SQOR: variants seen among roughly 807,000 people sequenced by gnomAD.
SQOR encodes the protein sulfide:quinone oxidoreductase, mitochondrial.
A neutral mutation model predicts 48.6 loss-of-function variants in SQOR; 39 were observed. The ratio of observed to expected loss-of-function variants is 0.80; its 90% CI spans 0.62 to 1.05. The LOEUF (loss-of-function observed/expected upper bound fraction) is 1.05. SQOR is among the 50% of genes least tolerant of loss of function. The pLI, the probability that SQOR is intolerant of heterozygous loss-of-function variation, is 0.00. For synonymous variants in SQOR, 220 were observed against 206.2 expected, an observed-to-expected ratio of 1.07 and a Z score of -0.57; for missense variants, 561 against 559.9, an observed-to-expected ratio of 1.00 and a Z score of -0.02.
intron 3 of SQOR, among the ~76,000 whole-genome samples, chr15:45,669,095 A>T (rs764656235): frequency 8.6e-5 from 13 of 151,008 alleles, no homozygotes; most frequent in Non-Finnish European, 1.9e-4. Context: ...CTCACATATT[A>T]CCCAATAGAT....
intron 5 of SQOR, among the ~76,000 whole-genome samples, chr15:45,674,357 T>TC (rs1889998254): frequency 6.6e-6 from 1 of 151,950 alleles, no homozygotes; most frequent in Non-Finnish European, 1.5e-5. Flanking sequence ...GGAGAATTGC[T>TC]CGAACCTGGG....
chr15:45,662,190 A>AAACTGGAT, intron 3 of SQOR, 65 bp downstream of exon 3: 1 of 1,561,154 alleles, frequency 6.4e-7, no homozygotes, highest in African/African-American at 1.4e-5. Context: ...CAGCCATCTT[A>AAACTGGAT]AACTGGATAG....
At chr15:45,661,365 C>T (rs1269162452) in intron 2 of SQOR, among the ~76,000 whole-genome samples, 1 of 148,124 alleles carries the variant, frequency 6.8e-6, no homozygotes, top group East Asian at 2.0e-4. Flanking sequence ...TTTGGGTATG[C>T]ATTGCATTGT....
At chr15:45,669,886 T>C in intron 3 of SQOR, 42 bp from the exon 4 acceptor site, 2 of 1,580,996 alleles carry the variant, frequency 1.3e-6, no homozygotes, top group Non-Finnish European at 1.7e-6. Flanking sequence ...GAGTTGATGC[T>C]TCTTGAGTCC....
intron 1 of SQOR, among the ~76,000 whole-genome samples, chr15:45,657,933 G>A (rs1046231795): frequency 5.3e-5 from 8 of 152,256 alleles, no homozygotes; most frequent in Non-Finnish European, 1.0e-4. Flanking sequence ...GAGATATCAT[G>A]AGCCGGAGCC....
intron 1 of SQOR, among the ~76,000 whole-genome samples, chr15:45,657,543 A>G (rs577345699): frequency 2.0e-5 from 3 of 152,188 alleles, no homozygotes; most frequent in African/African-American, 7.2e-5. Flanking sequence ...CTACAGCTCT[A>G]GGTTGCTTCT....
chr15:45,650,072 A>G (rs1464854618), intron 1 of SQOR, among the ~76,000 whole-genome samples: 2 of 147,938 alleles, frequency 1.4e-5, no homozygotes, highest in Admixed American at 6.7e-5. Flanking sequence ...TTAACTCATG[A>G]CCTCAAGTGA....
chr15:45,685,226 A>G (rs143293220), intron 7 of SQOR, among the ~76,000 whole-genome samples: 2 of 152,292 alleles, frequency 1.3e-5, no homozygotes, highest in Non-Finnish European at 2.9e-5. Flanking sequence ...CCAAATTACA[A>G]TAGTACTAGC....
chr15:45,655,270 G>A (rs1278015102), intron 1 of SQOR, among the ~76,000 whole-genome samples: 1 of 152,150 alleles, frequency 6.6e-6, no homozygotes, highest in Non-Finnish European at 1.5e-5. Flanking sequence ...CCTGCCCCAT[G>A]GGGCGCTTCC....
At chr15:45,633,202 C>T (rs1255696833), upstream of SQOR, among the ~76,000 whole-genome samples, 3 of 151,684 alleles carry the variant, frequency 2.0e-5, no homozygotes, top group Non-Finnish European at 4.4e-5. Flanking sequence ...TGTCCTGTGC[C>T]TTGCACCAAC....
intron 1 of SQOR, among the ~76,000 whole-genome samples, chr15:45,656,702 A>G (rs147725960): frequency 3.9e-5 from 6 of 152,148 alleles, no homozygotes; most frequent in African/African-American, 7.2e-5. Flanking sequence ...CAGTGTTAAA[A>G]TTTTGGCTTT....
At chr15:45,686,558 G>A (rs1270658303) in intron 7 of SQOR, among the ~76,000 whole-genome samples, 1 of 152,180 alleles carries the variant, frequency 6.6e-6, no homozygotes, top group Non-Finnish European at 1.5e-5. Context: ...GCAAACTATA[G>A]CTTATGGGGC....
intron 7 of SQOR, among the ~76,000 whole-genome samples, chr15:45,687,103 A>G (rs1316004763): frequency 6.6e-6 from 1 of 151,852 alleles, no homozygotes; most frequent in Non-Finnish European, 1.5e-5. Context: ...CTCGGCCACA[A>G]ACTGCTGTCT....
In SQOR at chr15:45,636,840, C is replaced by T. The variant is rs755249824; in HGVS notation, c.-18+1732C>T. ...ATAAAAGATGTAAATATTAAATATCCGTAAAAATAAAGATGTAAAATACTT... is the reference window on the plus strand; with the variant it reads ...ATAAAAGATGTAAATATTAAATATCTGTAAAAATAAAGATGTAAAATACTT... On this transcript the variant is annotated intron_variant, in intron 1 of 9. Transcript: ENST00000260324. Among the ~76,000 whole-genome samples the T allele has an allele frequency of 3.3e-5, 5 of 152,174 alleles. No individual in the cohort carries two copies. In the East Asian group the frequency reaches 5.8e-4, roughly 18 times the overall value.
intron 3 of SQOR, among the ~76,000 whole-genome samples, chr15:45,663,983 A>T (rs565535178): frequency 1.3e-5 from 2 of 152,346 alleles, no homozygotes; most frequent in East Asian, 3.9e-4. Flanking sequence ...CAGGGAGAAC[A>T]TACAATCAAC....
At chr15:45,636,165 A>G (rs1895001461) in intron 1 of SQOR, among the ~76,000 whole-genome samples, 1 of 152,174 alleles carries the variant, frequency 6.6e-6, no homozygotes, top group East Asian at 1.9e-4. Flanking sequence ...AACAAAAGGA[A>G]GAGTATTATA....
In SQOR at chr15:45,656,342, C is replaced by T. The variant is rs1889610782; in HGVS notation, c.-17-2565C>T. Among the ~76,000 whole-genome samples, 2 of 152,168 alleles carry T rather than the reference C, an allele frequency of 1.3e-5. 1 individual carries two copies. The highest frequency in any genetic ancestry group is 2.9e-5 in the Non-Finnish European group (2 of 68,040). ...TTGAGACAGGGTCTCCCTCTCTTCC[C>T]AGGCTGGAGTACAGTGGTGAAATCA... On this transcript the variant is annotated intron_variant, in intron 1 of 9. Coordinates refer to ENST00000260324, the MANE Select transcript of SQOR (RefSeq NM_021199.4).
intron 1 of SQOR, among the ~76,000 whole-genome samples, chr15:45,644,742 G>T (rs574542443): frequency 4.6e-5 from 7 of 152,288 alleles, no homozygotes; most frequent in African/African-American, 1.7e-4. Flanking sequence ...GCTAGGTTTG[G>T]GATTGGCTAG....
At chr15:45,675,736 C>CTAG (rs1359714163) in intron 5 of SQOR, among the ~76,000 whole-genome samples, 1 of 152,190 alleles carries the variant, frequency 6.6e-6, no homozygotes, top group East Asian at 1.9e-4. Flanking sequence ...CCCTCAGCAC[C>CTAG]TAGGACAGTA....
Sources: allele counts gnomAD v4.1 joint callset (sites outside exome capture counted in the v4.1 genomes callset), GRCh38; gene constraint gnomAD v4.1.1; transcripts MANE v1.5; gene names NCBI Gene and HGNC (gene_info 2026-07-23, HGNC 2026-07-21).